TMEM232: variants seen among roughly 807,000 people sequenced by gnomAD.
TMEM232 encodes the protein transmembrane protein 232.
TMEM232 carries 80 observed loss-of-function variants against 78.8 expected under a neutral mutation model. That is an observed-to-expected ratio of 1.01 (90% confidence interval 0.85 to 1.22). The LOEUF (loss-of-function observed/expected upper bound fraction) is 1.22, where lower values mean the gene tolerates loss of function less well. Ranked by LOEUF, TMEM232 falls within the 50% of genes most tolerant of loss-of-function variation. The pLI, the probability that TMEM232 is intolerant of heterozygous loss-of-function variation, is 0.00. For missense variants in TMEM232, 881 were observed against 742.2 expected (o/e 1.19, Z -2.17); for synonymous variants, 297 against 254.3 (o/e 1.17, Z -1.60).
In TMEM232 at chr5:110,638,936, C is replaced by T. The variant is rs138011327; in HGVS notation, c.344-581G>A. 1.1e-4 allele frequency among the ~76,000 whole-genome samples: 16 copies of T among 152,200 alleles called. 1 individual carries two copies. In the East Asian group the frequency reaches 2.7e-3, roughly 26 times the overall value. On this transcript the variant is annotated intron_variant, in intron 4 of 13. Transcript: ENST00000455884. ...GAGAATCAAGGTAGAGGAAACAGGG[C>T]CAACCGGTGAAGCTGAAGGAAGAAG...
intron 1 of TMEM232, among the ~76,000 whole-genome samples, chr5:110,668,979 G>A (rs1355111915): frequency 6.6e-6 from 1 of 152,202 alleles, no homozygotes. Flanking sequence ...ATTTAAAGCA[G>A]TGTGCAGAGG....
At chr5:110,616,544 A>T (rs1782948367) in intron 8 of TMEM232, among the ~76,000 whole-genome samples, 1 of 152,062 alleles carries the variant, frequency 6.6e-6, no homozygotes, top group Non-Finnish European at 1.5e-5. Flanking sequence ...AATATGTGAA[A>T]ACCATACATT....
intron 12 of TMEM232, among the ~76,000 whole-genome samples, chr5:110,464,075 T>G (rs1208638039): frequency 2.6e-5 from 4 of 152,176 alleles, no homozygotes; most frequent in African/African-American, 4.8e-5. Flanking sequence ...GAAGTCATAA[T>G]CTAATTTTTC....
chr5:110,477,608 C>T (rs1260932041), intron 12 of TMEM232, among the ~76,000 whole-genome samples: 1 of 151,762 alleles, frequency 6.6e-6, no homozygotes, highest in East Asian at 1.9e-4. Flanking sequence ...CTATTACTCT[C>T]TTAAGCCTCC....
At chr5:110,634,492 G>T (rs1020730835) in intron 5 of TMEM232, among the ~76,000 whole-genome samples, 1 of 151,914 alleles carries the variant, frequency 6.6e-6, no homozygotes, top group African/African-American at 2.4e-5. Flanking sequence ...ATCACACCAA[G>T]TATCTTCTCA....
chr5:110,413,845 T>A (rs1054027949), intron 2 of TMEM232, among the ~76,000 whole-genome samples: 10 of 152,198 alleles, frequency 6.6e-5, no homozygotes, highest in African/African-American at 2.2e-4. Context: ...AAGGGAATTA[T>A]TATTCTAAAG....
chr5:110,679,121 C>T lies in TMEM232; in HGVS notation c.-12-11757G>A, dbSNP rs577182463. ...ACCACCAAATTGTCTTCCAAAGTGG[C>T]CATACCATGTTTTATTCCCACCAGC... On this transcript the variant is annotated intron_variant, in intron 1 of 13. Coordinates refer to ENST00000455884, the MANE Select transcript of TMEM232 (RefSeq NM_001039763.4). Among the ~76,000 whole-genome samples the T allele has an allele frequency of 1.4e-3, 210 of 152,192 alleles. 1 individual carries two copies. The highest frequency in any genetic ancestry group is 4.8e-3 in the African/African-American group (200 of 41,512).
At chr5:110,695,350 G>C (rs1794642247) in intron 1 of TMEM232, among the ~76,000 whole-genome samples, 1 of 152,156 alleles carries the variant, frequency 6.6e-6, no homozygotes, top group African/African-American at 2.4e-5. Context: ...AGAGAAAGCA[G>C]GAAAGATCTA....
chr5:110,640,042 G>A (rs1346129783), intron 4 of TMEM232, among the ~76,000 whole-genome samples: 3 of 152,192 alleles, frequency 2.0e-5, no homozygotes, highest in African/African-American at 7.2e-5. Context: ...TTGGGCAAGG[G>A]CCAGTCCTCT....
intron 12 of TMEM232, among the ~76,000 whole-genome samples, chr5:110,521,110 T>A (rs955297903): frequency 6.6e-6 from 1 of 152,088 alleles, no homozygotes; most frequent in African/African-American, 2.4e-5. Context: ...AAGGCCTTGT[T>A]GTGGGCTGCC....
At chr5:110,507,132 C>G (rs1766999438) in intron 12 of TMEM232, among the ~76,000 whole-genome samples, 1 of 152,124 alleles carries the variant, frequency 6.6e-6, no homozygotes, top group South Asian at 2.1e-4. Context: ...AGATTTTTCA[C>G]TATTTTCACA....
intron 6 of TMEM232, among the ~76,000 whole-genome samples, chr5:110,625,836 C>A (rs1784356601): frequency 6.9e-6 from 1 of 144,790 alleles, no homozygotes; most frequent in African/African-American, 2.6e-5. Flanking sequence ...CAGTTTTATT[C>A]CTTCTCAAGA....
chr5:110,695,698 C>A (rs1346825021), intron 1 of TMEM232, among the ~76,000 whole-genome samples: 1 of 152,166 alleles, frequency 6.6e-6, no homozygotes, highest in Non-Finnish European at 1.5e-5. Flanking sequence ...ACAAGAAAAT[C>A]TAGAAGAAAT....
chr5:110,468,596 A>T (rs1195696786), intron 12 of TMEM232, among the ~76,000 whole-genome samples: 1 of 152,168 alleles, frequency 6.6e-6, no homozygotes, highest in African/African-American at 2.4e-5. Context: ...AATGATATAT[A>T]AAAACCACAA....
intron 1 of TMEM232, among the ~76,000 whole-genome samples, chr5:110,680,125 G>A (rs961851823): frequency 2.0e-5 from 3 of 152,050 alleles, no homozygotes; most frequent in Admixed American, 6.6e-5. Flanking sequence ...AAGGCCTGGT[G>A]CAGTGGCTCA....
intron 10 of TMEM232, among the ~76,000 whole-genome samples, chr5:110,594,846 C>T (rs552572599): frequency 6.6e-6 from 1 of 152,328 alleles, no homozygotes; most frequent in South Asian, 2.1e-4. Context: ...ATTGGCGCAG[C>T]TTCAGCAGAC....
At chr5:110,619,821 A>G (rs1456834508) in intron 7 of TMEM232, among the ~76,000 whole-genome samples, 2 of 152,158 alleles carry the variant, frequency 1.3e-5, no homozygotes, top group Non-Finnish European at 2.9e-5. Context: ...AATATGTTTG[A>G]CAAGTTAATG....
chr5:110,391,324 T>TGAGA (rs1235654874), intron 3 of TMEM232, among the ~76,000 whole-genome samples: 7 of 132,410 alleles, frequency 5.3e-5, no homozygotes, highest in African/African-American at 1.7e-4. Context: ...TGTGTGTGTG[T>TGAGA]GTGAGAGAGA....
intron 3 of TMEM232, 82 bp downstream of exon 3, chr5:110,642,177 TC>T: frequency 1.3e-6 from 1 of 773,842 alleles, no homozygotes; most frequent in Non-Finnish European, 2.0e-6. Flanking sequence ...TCTTATTTTT[TC>T]TTAAAATATT....
Sources: gnomAD v4.1 joint callset for allele counts (sites outside exome capture counted in the v4.1 genomes callset) on GRCh38, gnomAD v4.1.1 for gene constraint, MANE v1.5 for transcripts, NCBI Gene and HGNC (gene_info 2026-07-23, HGNC 2026-07-21) for gene names.